Variants in LEO1 observed in about 807,000 individuals in gnomAD.
LEO1 encodes RNA polymerase-associated protein LEO1.
LEO1 carries 34 observed loss-of-function variants against 80.4 expected under a neutral mutation model. The observed-to-expected ratio is 0.42, with a 90% CI of 0.32 to 0.56. The LOEUF is 0.56. Among genes scored for constraint, LEO1 ranks in the 20% least tolerant of loss-of-function variants. The pLI is 0.10. For synonymous variants in LEO1, 262 were observed against 274.9 expected (o/e 0.95, Z 0.46); for missense variants, 631 against 814.2 (o/e 0.77, Z 2.74).
intron 2 of LEO1, among the ~76,000 whole-genome samples, chr15:51,964,562 A>AC (rs1334506075): frequency 1.3e-5 from 2 of 151,696 alleles, no homozygotes; most frequent in Admixed American, 6.6e-5. Context: ...AAAAAAAAAA[A>AC]ACCTCTACTC....
chr15:51,967,542 A>G (rs79257549), intron 1 of LEO1, among the ~76,000 whole-genome samples: 4,778 of 152,338 alleles, frequency 0.031, 125 homozygotes, highest in Non-Finnish European at 0.05. Context: ...ACATCCAACA[A>G]GTTCAACAAA....
intron 9 of LEO1, 51 bp downstream of exon 9, chr15:51,951,793 G>C (rs772700560): frequency 6.5e-7 from 1 of 1,541,020 alleles, no homozygotes; most frequent in East Asian, 2.3e-5. Flanking sequence ...GGAAATACTT[G>C]CCTAATATAC....
At position 51,956,313 on chromosome 15, in the gene LEO1, G is replaced by A. The variant is rs147710525; in HGVS notation, c.1246-1738C>T. Among the ~76,000 whole-genome samples, 740 of 151,966 alleles carry A rather than the reference G, an allele frequency of 4.9e-3. 6 individuals carry two copies. The highest frequency in any genetic ancestry group is 0.017 in the African/African-American group (713 of 41,424). On this transcript the variant is annotated intron_variant, in intron 6 of 11. Transcript: ENST00000299601. ...CATGTGCCTGTAATTCCAGCTACTC[G>A]GGAGGCTGAGGCTGGAGAATTGCTT...
intron 11 of LEO1, among the ~76,000 whole-genome samples, chr15:51,946,624 T>C (rs2056904145): frequency 6.6e-6 from 1 of 151,976 alleles, no homozygotes; most frequent in African/African-American, 2.4e-5. Context: ...GGTGCAATCA[T>C]GTCTCACTGC....
chr15:51,961,042 G>A lies in LEO1; in HGVS notation c.920-309C>T, dbSNP rs116397891. ...CTACAGTCTAGATGCTCAAAGTTGG[G>A]GCTGAAGCACTCCACAGACACCCAT... On this transcript the variant is annotated intron_variant, in intron 3 of 11. Coordinates refer to ENST00000299601, the MANE Select transcript of LEO1 (RefSeq NM_138792.4). 5.5e-3 allele frequency among the ~76,000 whole-genome samples: 837 copies of A among 152,202 alleles called. 8 individuals are homozygous for A. The highest frequency in any genetic ancestry group is 0.019 in the African/African-American group (805 of 41,530).
At chr15:51,960,120 C>G in intron 4 of LEO1, 76 bp from the exon 5 acceptor site, 1 of 1,179,530 alleles carries the variant, frequency 8.5e-7, no homozygotes, top group African/African-American at 1.5e-5. Flanking sequence ...ACTTTAATTA[C>G]TCTGGGGTGC....
In LEO1 at chr15:51,953,135, G is replaced by A; in HGVS notation, c.1469C>T (p.Thr490Ile). Residue 490 changes from threonine (T) to isoleucine (I), a missense_variant, in exon 8 of 12, where the codon ACC becomes ATC. Thr to Ile is a moderately conservative substitution (Grantham distance 89, BLOSUM62 -1). Coordinates refer to ENST00000299601, the MANE Select transcript of LEO1 (RefSeq NM_138792.4). ...QGQAVFKTKLTFRPHSTDSAT... is the reference protein window; with the variant it reads ...QGQAVFKTKLIFRPHSTDSAT... ...TAATAATAATAACAGTTACCTGAAGGTGAGTTTCGTTTTAAAGACTGCTTG... is the reference window on the plus strand; with the variant it reads ...TAATAATAATAACAGTTACCTGAAGATGAGTTTCGTTTTAAAGACTGCTTG... 1.2e-6 allele frequency: 2 copies of A among 1,610,116 alleles called. No homozygotes were observed. Among genetic ancestry groups the A allele is most frequent in the Non-Finnish European group, 1.7e-6 (2 of 1,177,654 alleles).
At chr15:51,949,179 TAGAAGAAG>T (rs1394698118) in intron 10 of LEO1, among the ~76,000 whole-genome samples, 1 of 152,168 alleles carries the variant, frequency 6.6e-6, no homozygotes, top group Non-Finnish European at 1.5e-5. Flanking sequence ...AAGAGAAATG[TAGAAGAAG>T]AATGAAAGAA....
intron 2 of LEO1, 64 bp from the exon 3 acceptor site, chr15:51,962,557 A>G: frequency 8.6e-7 from 1 of 1,160,872 alleles, no homozygotes; most frequent in Non-Finnish European, 1.3e-6. Flanking sequence ...GTGTTTTAAA[A>G]GCAATATTGG....
intron 1 of LEO1, among the ~76,000 whole-genome samples, chr15:51,969,693 TTAG>T (rs1356049904): frequency 6.6e-6 from 1 of 151,786 alleles, no homozygotes; most frequent in African/African-American, 2.4e-5. Context: ...AATACAAAAA[TTAG>T]TAGGGTATGG....
intron 2 of LEO1, among the ~76,000 whole-genome samples, chr15:51,963,451 G>T (rs961794430): frequency 6.6e-6 from 1 of 152,164 alleles, no homozygotes; most frequent in Non-Finnish European, 1.5e-5. Context: ...ACGTAAAAAT[G>T]TCACAAAAAT....
At chr15:51,945,805 C>T (rs2141748103) in intron 11 of LEO1, among the ~76,000 whole-genome samples, 1 of 152,246 alleles carries the variant, frequency 6.6e-6, no homozygotes, top group African/African-American at 2.4e-5. Flanking sequence ...GAGGCTGAGG[C>T]AGGCAGATCA....
At chr15:51,944,703 A>G (rs979597132) in intron 11 of LEO1, among the ~76,000 whole-genome samples, 3 of 152,148 alleles carry the variant, frequency 2.0e-5, no homozygotes, top group Non-Finnish European at 2.9e-5. Flanking sequence ...AACAATTCCA[A>G]TTTCATCACA....
chr15:51,959,860 T>C, intron 5 of LEO1, 39 bp downstream of exon 5: 1 of 1,517,264 alleles, frequency 6.6e-7, no homozygotes, highest in South Asian at 1.3e-5. Context: ...TATGTATTTC[T>C]ACTCAACATC....
intron 2 of LEO1, among the ~76,000 whole-genome samples, chr15:51,963,918 A>C (rs1465912698): frequency 6.8e-6 from 1 of 147,072 alleles, no homozygotes; most frequent in African/African-American, 2.5e-5. Context: ...AAAAAAAAAA[A>C]ATGAGTGGCC....
chr15:51,958,409 T>A (rs1289974390), intron 6 of LEO1, among the ~76,000 whole-genome samples: 1 of 152,186 alleles, frequency 6.6e-6, no homozygotes, highest in African/African-American at 2.4e-5. Flanking sequence ...GAGCTGGGTT[T>A]GTGCCGCTGT....
chr15:51,946,859 C>A, intron 11 of LEO1: 1 of 165,024 alleles, frequency 6.1e-6, no homozygotes, highest in Non-Finnish European at 1.3e-5. Context: ...AATTATTTTC[C>A]TAATTTAAAA....
chr15:51,947,384 G>A lies in LEO1; in HGVS notation c.1804C>T (p.Arg602Ter), dbSNP rs1262249724. 2 of 1,607,060 alleles carry A rather than the reference G, an allele frequency of 1.2e-6. No homozygotes were observed. Among genetic ancestry groups the A allele is most frequent in the Non-Finnish European group, 8.5e-7 (1 of 1,175,932 alleles). The change falls in exon 11 of 12, where the codon CGA becomes TGA. Residue 602 changes from arginine (R) to a stop codon, truncating the protein, a stop_gained. Transcript: ENST00000299601. LOFTEE classifies it high-confidence loss of function. The stretch of plus-strand genomic sequence containing the variant: ...CTGTCTGATGAATAGATTCTGGCTC[G>A]TTCCTCTGAAAGCAAAAGTACAGAT... ...NRYKGGIREE[R>*]ARIYSSDSDE...
chr15:51,945,762 C>A (rs897404495), intron 11 of LEO1, among the ~76,000 whole-genome samples: 13 of 152,150 alleles, frequency 8.5e-5, no homozygotes, highest in Non-Finnish European at 1.8e-4. Flanking sequence ...AGGCCAGGCG[C>A]ACTGGCTCAC....
Sources: gnomAD v4.1 joint callset for allele counts (sites outside exome capture counted in the v4.1 genomes callset) on GRCh38, gnomAD v4.1.1 for gene constraint, MANE v1.5 for transcripts, NCBI Gene and HGNC (gene_info 2026-07-23, HGNC 2026-07-21) for gene names.